Variants in BRINP1 observed in about 807,000 individuals in gnomAD.
BRINP1 encodes BMP/retinoic acid inducible neural specific 1, also known as BMP/retinoic acid-inducible neural-specific protein 1.
A neutral mutation model predicts 72.9 loss-of-function variants in BRINP1; 17 were observed. The observed-to-expected ratio is 0.23, with a 90% CI of 0.16 to 0.35. The LOEUF (loss-of-function observed/expected upper bound fraction) is 0.35. Among genes scored for constraint, BRINP1 ranks in the 10% least tolerant of loss-of-function variants. The probability of loss-of-function intolerance (pLI) is 1.00; values close to 1 mark genes in which losing one functional copy is unlikely to be tolerated. For synonymous variants in BRINP1, 418 were observed against 378.5 expected, an observed-to-expected ratio of 1.10 and a Z score of -1.21; for missense variants, 850 against 1,001.6, an observed-to-expected ratio of 0.85 and a Z score of 2.04.
chr9:119,309,735 T>C (rs531663664), intron 2 of BRINP1, among the ~76,000 whole-genome samples: 1 of 152,260 alleles, frequency 6.6e-6, no homozygotes, highest in Admixed American at 6.5e-5. Flanking sequence ...CATGAAAAGA[T>C]CATTGTTTCA....
chr9:119,276,518 T>C (rs1446916540), intron 2 of BRINP1, among the ~76,000 whole-genome samples: 1 of 152,238 alleles, frequency 6.6e-6, no homozygotes, highest in African/African-American at 2.4e-5. Context: ...TTTTATTATT[T>C]GTAATTACTG....
chr9:119,295,928 T>C (rs1008583842), intron 2 of BRINP1, among the ~76,000 whole-genome samples: 9 of 152,082 alleles, frequency 5.9e-5, no homozygotes, highest in African/African-American at 2.2e-4. Flanking sequence ...CCAGGAACCA[T>C]AAAAACACTA....
intron 5 of BRINP1, among the ~76,000 whole-genome samples, chr9:119,236,545 C>T (rs1014155971): frequency 6.6e-6 from 1 of 152,098 alleles, no homozygotes; most frequent in Non-Finnish European, 1.5e-5. Context: ...AGGAATATGT[C>T]ATTAATTCCT....
chr9:119,276,937 A>G (rs1830662767), intron 2 of BRINP1, among the ~76,000 whole-genome samples: 1 of 152,192 alleles, frequency 6.6e-6, no homozygotes, highest in African/African-American at 2.4e-5. Context: ...ATCAGAGTAA[A>G]GAACAGCTCC....
chr9:119,283,107 G>A, intron 2 of BRINP1: 1 of 985,102 alleles, frequency 1.0e-6, no homozygotes, highest in Non-Finnish European at 1.2e-6. Context: ...ACAGAGCTTG[G>A]AGCGTGAATC....
intron 5 of BRINP1, among the ~76,000 whole-genome samples, chr9:119,237,308 A>G (rs1830201038): frequency 6.6e-6 from 1 of 151,698 alleles, no homozygotes; most frequent in Non-Finnish European, 1.5e-5. Context: ...GAGATCCAGA[A>G]GTAAGCTCTT....
intron 5 of BRINP1, among the ~76,000 whole-genome samples, chr9:119,226,670 T>A (rs1368651341): frequency 1.5e-4 from 1 of 6,528 alleles, no homozygotes; most frequent in Admixed American, 2.4e-3. Flanking sequence ...ATTCTAGGGT[T>A]TTTTTTTGTC....
intron 2 of BRINP1, among the ~76,000 whole-genome samples, chr9:119,289,316 G>A (rs1008534286): frequency 1.3e-5 from 2 of 152,312 alleles, no homozygotes; most frequent in South Asian, 4.1e-4. Flanking sequence ...CTAAGCTAGA[G>A]GATTGGTATT....
At chr9:119,283,324 C>T (rs1206981676) in intron 2 of BRINP1, 1 of 323,920 alleles carries the variant, frequency 3.1e-6, no homozygotes, top group African/African-American at 2.2e-5. Flanking sequence ...GACTCAGAAA[C>T]TGTGGGTGGA....
At chr9:119,244,044 G>A (rs925815100) in intron 3 of BRINP1, among the ~76,000 whole-genome samples, 6 of 152,102 alleles carry the variant, frequency 3.9e-5, no homozygotes, top group Admixed American at 1.3e-4. Context: ...TTCCCTCGTC[G>A]TTAGGACTTC....
intron 2 of BRINP1, among the ~76,000 whole-genome samples, chr9:119,273,466 A>T (rs999026384): frequency 1.6e-4 from 25 of 152,096 alleles, no homozygotes; most frequent in African/African-American, 6.0e-4. Context: ...AAAAAGGATT[A>T]AAAAAATTCT....
At chr9:119,172,748 C>T (rs1299613386) in intron 7 of BRINP1, among the ~76,000 whole-genome samples, 2 of 152,052 alleles carry the variant, frequency 1.3e-5, no homozygotes, top group African/African-American at 4.8e-5. Flanking sequence ...TACTGGCAAA[C>T]TGAATCCAGC....
intron 2 of BRINP1, among the ~76,000 whole-genome samples, chr9:119,250,922 G>A (rs547448765): frequency 1.3e-5 from 2 of 152,308 alleles, no homozygotes; most frequent in Admixed American, 6.5e-5. Flanking sequence ...TGGGAGAGAC[G>A]AATGAGGAAA....
chr9:119,226,398 G>A (rs375924645), intron 5 of BRINP1, among the ~76,000 whole-genome samples: 15 of 152,102 alleles, frequency 9.9e-5, no homozygotes, highest in African/African-American at 2.6e-4. Context: ...TATCTCTCAC[G>A]ATTTCCATGC....
intron 1 of BRINP1, among the ~76,000 whole-genome samples, chr9:119,322,421 T>C (rs879821763): frequency 6.6e-6 from 1 of 152,156 alleles, no homozygotes; most frequent in Admixed American, 6.5e-5. Context: ...GTCGGGTTCA[T>C]CCCACACAGA....
At chr9:119,331,717 A>G (rs1299600387) in intron 1 of BRINP1, among the ~76,000 whole-genome samples, 1 of 152,208 alleles carries the variant, frequency 6.6e-6, no homozygotes, top group East Asian at 1.9e-4. Flanking sequence ...CTAACGTGAG[A>G]ATCAACCAAA....
At chr9:119,193,278 T>G (rs995654773) in intron 7 of BRINP1, among the ~76,000 whole-genome samples, 1 of 152,060 alleles carries the variant, frequency 6.6e-6, no homozygotes, top group Admixed American at 6.6e-5. Flanking sequence ...ACAACATAGA[T>G]AGATCTACAA....
At chr9:119,272,335 G>A (rs551970236) in intron 2 of BRINP1, among the ~76,000 whole-genome samples, 12 of 152,128 alleles carry the variant, frequency 7.9e-5, no homozygotes, top group Non-Finnish European at 1.6e-4. Flanking sequence ...CACCTGCCTC[G>A]GCCTCCCAAA....
At chr9:119,363,058 C>T (rs757782033) in intron 1 of BRINP1, among the ~76,000 whole-genome samples, 8 of 152,174 alleles carry the variant, frequency 5.3e-5, no homozygotes, top group Non-Finnish European at 2.9e-5. Context: ...ATCTCTTAGA[C>T]TTCCTAAGCT....
Sources: allele counts gnomAD v4.1 joint callset (sites outside exome capture counted in the v4.1 genomes callset), GRCh38; gene constraint gnomAD v4.1.1; transcripts MANE v1.5; gene names NCBI Gene and HGNC (gene_info 2026-07-23, HGNC 2026-07-21).